LMNB2: variants seen among roughly 807,000 people sequenced by gnomAD.
LMNB2 encodes the protein lamin B2.
In LMNB2, 17 loss-of-function variants were observed where a neutral mutation model predicts 69.3. The observed-to-expected ratio is 0.25, with a 90% CI of 0.17 to 0.37. The LOEUF (loss-of-function observed/expected upper bound fraction) is 0.37. LMNB2 is among the 10% of genes least tolerant of loss of function. The pLI, the probability that LMNB2 is intolerant of heterozygous loss-of-function variation, is 1.00. For missense variants in LMNB2, 789 were observed against 883.6 expected, an observed-to-expected ratio of 0.89 and a Z score of 1.36; for synonymous variants, 397 against 389.3, an observed-to-expected ratio of 1.02 and a Z score of -0.23.
intron 4 of LMNB2, among the ~76,000 whole-genome samples, chr19:2,436,639 G>A (rs1463443925): frequency 0.049 from 2,266 of 46,526 alleles, 122 homozygotes; most frequent in African/African-American, 0.16. Context: ...CCCCACAGCC[G>A]CGCACCCACC....
At chr19:2,431,482 T>C in intron 11 of LMNB2, 66 bp downstream of exon 11, 1 of 1,605,358 alleles carries the variant, frequency 6.2e-7, no homozygotes, top group South Asian at 1.1e-5. Context: ...CATGTGTATG[T>C]GTGTGCACGA....
At position 2,431,843 on chromosome 19, in the gene LMNB2, G is replaced by A; in HGVS notation, c.1650C>T (p.Gly550=). ...TCTCGCCCGTGCCCCAGCTGCTCTGGCCCTTCCACACCAGCGTCGAGGGGG... is the reference window on the plus strand; with the variant it reads ...TCTCGCCCGTGCCCCAGCTGCTCTGACCCTTCCACACCAGCGTCGAGGGGG... ...HSPPSTLVWK[G]QSSWGTGESF... The change falls in exon 10 of 12, where the codon GGC becomes GGT. Residue 550 remains glycine (G), a synonymous_variant. Transcript: ENST00000325327. 1 of 1,613,474 alleles carries A rather than the reference G, an allele frequency of 6.2e-7. No individual in the cohort carries two copies. Among genetic ancestry groups the A allele is most frequent in the Non-Finnish European group, 8.5e-7 (1 of 1,179,936 alleles).
chr19:2,452,531 T>A (rs1014493219), intron 1 of LMNB2, among the ~76,000 whole-genome samples: 1 of 151,144 alleles, frequency 6.6e-6, no homozygotes, highest in Non-Finnish European at 1.5e-5. Context: ...ATAGAGACCA[T>A]CCTGGCCAAC....
Position 2,454,286 on chromosome 19 carries a change from C to G in LMNB2, c.264+2384G>C, listed in dbSNP as rs553886357. 2.8e-3 allele frequency among the ~76,000 whole-genome samples: 348 copies of G among 125,666 alleles called. 2 individuals carry two copies. Among genetic ancestry groups the G allele is most frequent in the Middle Eastern group, 0.013 (3 of 238 alleles). 82.4% of individuals were successfully genotyped at this position (125,666 alleles called of 152,430 possible). ...CCAGCCTGGACGACGGAGCGAGACT[C>G]TATCTCAAAAAAAAAAAAAAAAAAA... On this transcript the variant is annotated intron_variant, in intron 1 of 11. Transcript: ENST00000325327.
intron 6 of LMNB2, 34 bp downstream of exon 6, chr19:2,434,754 G>A: frequency 6.3e-7 from 1 of 1,585,160 alleles, no homozygotes; most frequent in South Asian, 1.1e-5. Context: ...AGTTGGGCCA[G>A]GGGGACGGCA....
In LMNB2 at chr19:2,430,735, A is replaced by G. The variant is rs1207210579; in HGVS notation, c.*176T>C. 2.3e-5 allele frequency: 16 copies of G among 695,936 alleles called. No homozygotes were observed. The highest frequency in any genetic ancestry group is 4.0e-5 in the Non-Finnish European group (15 of 374,050). The allele number at this position is 695,936 out of a possible 1,614,324, so 43.1% of individuals were successfully genotyped here. A position where few individuals can be genotyped will look rare whatever the true frequency, so the allele number is the denominator to read the frequency against. On this transcript the variant is annotated 3_prime_UTR_variant, in exon 12 of 12. Transcript: ENST00000325327. ...CGGGGCAGCGGCGAAGTGGCAGCGA[A>G]GTGAGGCTGGAGGAGACCCGCCAGG...
Position 2,447,747 on chromosome 19 carries a change from C to A in LMNB2, c.265-3207G>T, listed in dbSNP as rs973957165. On this transcript the variant is annotated intron_variant, in intron 1 of 11. Coordinates refer to ENST00000325327, the MANE Select transcript of LMNB2 (RefSeq NM_032737.4). The surrounding 1 kb of genome is among the most constrained non-coding windows in gnomAD (Gnocchi z 4.4). Reference sequence around the variant, plus strand: ...GAGGGCCACACCCCCATGTTACAGGCGAGGCTCCTGTGCAGAGGGCTGGGG... The same window carrying A: ...GAGGGCCACACCCCCATGTTACAGGAGAGGCTCCTGTGCAGAGGGCTGGGG... 6.6e-6 allele frequency among the ~76,000 whole-genome samples: 1 copy of A among 152,126 alleles called. No individual in the cohort carries two copies. The highest frequency in any genetic ancestry group is 2.4e-5 in the African/African-American group (1 of 41,424).
At position 2,430,098 on chromosome 19, in the gene LMNB2, A is replaced by T. The variant is rs1297903017; in HGVS notation, c.*813T>A. The T allele has an allele frequency of 1.3e-5, 2 of 153,280 alleles. No homozygotes were observed. The highest frequency in any genetic ancestry group is 2.9e-5 in the Non-Finnish European group (2 of 68,894). The allele number at this position is 153,280 out of a possible 1,614,324, so 9.5% of individuals were successfully genotyped here. ...CCTGCAGACAGCTGTTCTGAAACTCACAGCTTCTGCCTCCAAGGCAACCAG... is the reference window on the plus strand; with the variant it reads ...CCTGCAGACAGCTGTTCTGAAACTCTCAGCTTCTGCCTCCAAGGCAACCAG... On this transcript the variant is annotated 3_prime_UTR_variant, in exon 12 of 12. Coordinates refer to ENST00000325327, the MANE Select transcript of LMNB2 (RefSeq NM_032737.4).
In LMNB2 at chr19:2,430,637, T is replaced by G. The variant is rs2145442726; in HGVS notation, c.*274A>C. On this transcript the variant is annotated 3_prime_UTR_variant, in exon 12 of 12. Coordinates refer to ENST00000325327, the MANE Select transcript of LMNB2 (RefSeq NM_032737.4). ...TCCAAGCCCAAGCATCTTCTAAACC[T>G]CCGGGTCCTGGCCCTGGGCTTCCAA... 1.9e-6 allele frequency: 1 copy of G among 540,122 alleles called. No individual in the cohort carries two copies. The highest frequency in any genetic ancestry group is 2.0e-5 in the South Asian group (1 of 50,676). The allele number at this position is 540,122 out of a possible 1,614,324, so 33.5% of individuals were successfully genotyped here. A position where few individuals can be genotyped will look rare whatever the true frequency, so the allele number is the denominator to read the frequency against.
chr19:2,438,826 T>C (rs968498015), intron 2 of LMNB2, among the ~76,000 whole-genome samples: 12 of 152,166 alleles, frequency 7.9e-5, no homozygotes, highest in African/African-American at 9.6e-5. Flanking sequence ...GGACGACCAT[T>C]TGGGGAGAAA....
chr19:2,439,035 CTT>C (rs397945879), intron 2 of LMNB2, among the ~76,000 whole-genome samples: 325 of 65,642 alleles, frequency 5.0e-3, no homozygotes, highest in African/African-American at 0.019. Context: ...GGCACTTAAG[CTT>C]TTTTTTTTTT....
intron 1 of LMNB2, among the ~76,000 whole-genome samples, chr19:2,446,220 C>T (rs1369061468): frequency 1.3e-5 from 2 of 149,456 alleles, no homozygotes; most frequent in African/African-American, 5.0e-5. Context: ...ACCCCACCAG[C>T]GGCCCCCACC....
intron 1 of LMNB2, among the ~76,000 whole-genome samples, chr19:2,445,270 C>A (rs1280452987): frequency 6.6e-6 from 1 of 151,862 alleles, no homozygotes; most frequent in East Asian, 1.9e-4. Flanking sequence ...TCCCCCAGAC[C>A]CCGCTGAGCC....
Position 2,430,859 on chromosome 19 carries a change from T to G in LMNB2, c.*52A>C. 8.7e-7 allele frequency: 1 copy of G among 1,150,198 alleles called. No homozygotes were observed. The highest frequency in any genetic ancestry group is 1.3e-6 in the Non-Finnish European group (1 of 756,172). 71.2% of individuals were successfully genotyped at this position (1,150,198 alleles called of 1,614,324 possible). A position where few individuals can be genotyped will look rare whatever the true frequency, so the allele number is the denominator to read the frequency against. On this transcript the variant is annotated 3_prime_UTR_variant, in exon 12 of 12. Coordinates refer to ENST00000325327, the MANE Select transcript of LMNB2 (RefSeq NM_032737.4). ...CTAAAGAAAGCCAATGATATAAAAA[T>G]AGTTTTCAGTGGCTCTGGGTAAAGA...
Position 2,433,879 on chromosome 19 carries a change from C to G in LMNB2, c.1429G>C (p.Glu477Gln). Residue 477 changes from glutamate to glutamine, a missense_variant, in exon 8 of 12, where the codon GAG becomes CAG. This residue lies in a region of LMNB2 where 609 missense variants were observed against 630.9 expected (regional missense o/e 0.97). Transcript: ENST00000325327. ...AACTTGCCCTCCAGGTCGATCTCCT[C>G]GATGCTGACGCTACCCGAGGCCGAG... The part of the protein sequence containing the change: ...QASASGSVSI[E>Q]EIDLEGKFVQ... 6.2e-7 allele frequency: 1 copy of G among 1,613,318 alleles called. No homozygotes were observed. The highest frequency in any genetic ancestry group is 8.5e-7 in the Non-Finnish European group (1 of 1,179,892).
At chr19:2,449,923 G>C (rs144867377) in intron 1 of LMNB2, among the ~76,000 whole-genome samples, 5,464 of 151,154 alleles carry the variant, frequency 0.036, 127 homozygotes, top group Non-Finnish European at 0.051. Flanking sequence ...TAAAAATACA[G>C]AATTAGCCGG....
intron 1 of LMNB2, among the ~76,000 whole-genome samples, chr19:2,448,429 C>T (rs574545477): frequency 4.6e-5 from 7 of 152,282 alleles, no homozygotes; most frequent in African/African-American, 1.7e-4. Context: ...CCAACAAAGA[C>T]AAGATCAGCG....
chr19:2,437,250 G>C (rs935297267), intron 4 of LMNB2: 3 of 152,430 alleles, frequency 2.0e-5, no homozygotes, highest in African/African-American at 4.8e-5. Flanking sequence ...TCCCCTCTCC[G>C]AGCCCCCGGA....
At chr19:2,450,210 A>G (rs1161120936) in intron 1 of LMNB2, among the ~76,000 whole-genome samples, 1 of 152,052 alleles carries the variant, frequency 6.6e-6, no homozygotes, top group African/African-American at 2.4e-5. Context: ...CCATTGAGGA[A>G]CATCCTACTG....
Sources: gnomAD v4.1 joint callset for allele counts (sites outside exome capture counted in the v4.1 genomes callset) on GRCh38, gnomAD v4.1.1 for gene constraint, gnomAD v4.1.1 regional missense constraint, Gnocchi (gnomAD v3.1) non-coding constraint, MANE v1.5 for transcripts, NCBI Gene and HGNC (gene_info 2026-07-23, HGNC 2026-07-21) for gene names.